STIM2: variants seen among roughly 807,000 people sequenced by gnomAD.
STIM2 encodes the protein stromal interaction molecule 2.
In STIM2, 31 loss-of-function variants were observed where a neutral mutation model predicts 85.8. The ratio of observed to expected loss-of-function variants is 0.36; its 90% CI spans 0.27 to 0.49. STIM2 has a LOEUF of 0.49. STIM2 is among the 20% of genes least tolerant of loss of function. STIM2 has a pLI of 0.98. For missense variants in STIM2, 841 were observed against 927.6 expected, an observed-to-expected ratio of 0.91 and a Z score of 1.21; for synonymous variants, 356 against 331.1, an observed-to-expected ratio of 1.08 and a Z score of -0.82.
chr4:26,985,237 T>G (rs187880838), intron 3 of STIM2, among the ~76,000 whole-genome samples: 27 of 152,376 alleles, frequency 1.8e-4, no homozygotes, highest in Admixed American at 1.6e-3. Flanking sequence ...ACTCAACTTT[T>G]AGATTTGAAA....
At chr4:26,866,111 G>T (rs539197332) in intron 1 of STIM2, among the ~76,000 whole-genome samples, 1 of 151,912 alleles carries the variant, frequency 6.6e-6, no homozygotes, top group African/African-American at 2.4e-5. Context: ...AGTTACCAAC[G>T]ATCTTGTCAC....
rs756324326 is a variant in STIM2 at position 27,008,892 on chromosome 4, C to G, written c.1379C>G (p.Ser460Cys). The change falls in exon 10 of 12, where the codon TCT becomes TGT. Residue 460 changes from serine to cysteine, a missense_variant. By Grantham distance (112) the Ser-to-Cys change is moderately radical. Coordinates refer to ENST00000467087, the MANE Select transcript of STIM2 (RefSeq NM_020860.4). Reference sequence around the variant, plus strand: ...CCCAGCCTGACCTCTTCCCTTTATTCTGATCACAGCTGGGTGGTGATGCCC... The same window carrying G: ...CCCAGCCTGACCTCTTCCCTTTATTGTGATCACAGCTGGGTGGTGATGCCC... 6.2e-7 allele frequency: 1 copy of G among 1,614,180 alleles called. No homozygotes were observed. Among genetic ancestry groups the G allele is most frequent in the South Asian group, 1.1e-5 (1 of 91,084 alleles).
intron 1 of STIM2, among the ~76,000 whole-genome samples, chr4:26,890,643 T>C (rs1723433283): frequency 6.6e-6 from 1 of 151,524 alleles, no homozygotes; most frequent in African/African-American, 2.4e-5. Context: ...GCTAAAACGT[T>C]GAAACCCCGT....
intron 1 of STIM2, among the ~76,000 whole-genome samples, chr4:26,885,201 C>T (rs1723170451): frequency 6.6e-6 from 1 of 152,024 alleles, no homozygotes; most frequent in Admixed American, 6.6e-5. Flanking sequence ...TCTAGTTTTC[C>T]AAAAGCTTTT....
chr4:27,001,484 C>T (rs1728153103), intron 5 of STIM2, among the ~76,000 whole-genome samples: 1 of 152,158 alleles, frequency 6.6e-6, no homozygotes, highest in Admixed American at 6.5e-5. Flanking sequence ...CTATTTAACC[C>T]AGGCTTTATC....
intron 1 of STIM2, among the ~76,000 whole-genome samples, chr4:26,917,636 C>G (rs1054091239): frequency 6.6e-6 from 1 of 152,070 alleles, no homozygotes; most frequent in Non-Finnish European, 1.5e-5. Context: ...CCTAATTTCT[C>G]TTAAAGCTTC....
chr4:26,956,916 A>G (rs781696847), intron 2 of STIM2, among the ~76,000 whole-genome samples: 3 of 152,024 alleles, frequency 2.0e-5, no homozygotes, highest in Admixed American at 6.6e-5. Context: ...TTTCTCATCT[A>G]TTGAATGAAG....
At position 26,919,536 on chromosome 4, in the gene STIM2, A is replaced by T. The variant is rs1724721266; in HGVS notation, c.184A>T (p.Thr62Ser). The change falls in exon 2 of 12, where the codon ACA (threonine) becomes TCA (serine). Residue 62 changes from threonine to serine, a missense_variant. Transcript: ENST00000467087. ...CATGTCACTGAGTCCACCATGCTTTACAGAAGAAGACAGATTTAGTCTGGA... is the reference window on the plus strand; with the variant it reads ...CATGTCACTGAGTCCACCATGCTTTTCAGAAGAAGACAGATTTAGTCTGGA... 1.9e-6 allele frequency: 3 copies of T among 1,613,542 alleles called. No individual in the cohort carries two copies. The highest frequency in any genetic ancestry group is 1.3e-5 in the African/African-American group (1 of 74,904).
intron 3 of STIM2, among the ~76,000 whole-genome samples, chr4:26,978,877 G>T (rs1727288249): frequency 6.6e-6 from 1 of 152,160 alleles, no homozygotes; most frequent in Non-Finnish European, 1.5e-5. Flanking sequence ...TGGGTGGGTG[G>T]TGTCTGGCAG....
chr4:26,881,917 T>C (rs1181955011), intron 1 of STIM2, among the ~76,000 whole-genome samples: 1 of 152,204 alleles, frequency 6.6e-6, no homozygotes, highest in Non-Finnish European at 1.5e-5. Flanking sequence ...AGCATACTAT[T>C]AAGTTAAAAG....
chr4:26,918,296 G>C (rs544079117), intron 1 of STIM2, among the ~76,000 whole-genome samples: 2 of 145,308 alleles, frequency 1.4e-5, no homozygotes, highest in South Asian at 4.3e-4. Context: ...TCTTCTCCCA[G>C]CTTTTTTTCT....
intron 7 of STIM2, among the ~76,000 whole-genome samples, chr4:27,007,255 T>A (rs1037588661): frequency 6.6e-6 from 1 of 151,842 alleles, no homozygotes; most frequent in Non-Finnish European, 1.5e-5. Context: ...AAATAAGCCC[T>A]CTCTACCCTC....
chr4:26,943,214 A>C (rs1725684643), intron 2 of STIM2, among the ~76,000 whole-genome samples: 1 of 152,126 alleles, frequency 6.6e-6, no homozygotes, highest in South Asian at 2.1e-4. Context: ...TACTCTTTAA[A>C]GAAACATTTT....
intron 3 of STIM2, among the ~76,000 whole-genome samples, chr4:26,988,083 G>A (rs148722808): frequency 0.017 from 2,567 of 152,308 alleles, 35 homozygotes; most frequent in Non-Finnish European, 0.027. Flanking sequence ...GGGGTTAAAT[G>A]AGAATGTATG....
chr4:26,874,086 G>T, intron 1 of STIM2: 1 of 606,190 alleles, frequency 1.6e-6, no homozygotes, highest in South Asian at 1.5e-5. Context: ...ACTCTTAGCT[G>T]AGCGAGCTGC....
At chr4:26,899,950 T>C (rs1723856480) in intron 1 of STIM2, among the ~76,000 whole-genome samples, 1 of 152,218 alleles carries the variant, frequency 6.6e-6, no homozygotes, top group Non-Finnish European at 1.5e-5. Flanking sequence ...GTGTCTCTTA[T>C]TTTCTGGGCC....
chr4:27,022,909 C>T lies in STIM2; in HGVS notation c.2154C>T (p.Ser718=), dbSNP rs1728961009. ...AAGCCCCAAGTGTTGCCAGAATAAGCAGCATCCCACATGACCTTTGTCATA... is the reference window on the plus strand; with the variant it reads ...AAGCCCCAAGTGTTGCCAGAATAAGTAGCATCCCACATGACCTTTGTCATA... Residue 718 remains serine, a synonymous_variant, in exon 12 of 12, where the codon AGC becomes AGT. Transcript: ENST00000467087. The T allele has an allele frequency of 1.9e-6, 3 of 1,614,060 alleles. No homozygotes were observed. Among genetic ancestry groups the T allele is most frequent in the Admixed American group, 1.7e-5 (1 of 59,996 alleles).
chr4:26,899,159 A>G (rs916258936), intron 1 of STIM2, among the ~76,000 whole-genome samples: 5 of 151,954 alleles, frequency 3.3e-5, no homozygotes, highest in African/African-American at 1.2e-4. Flanking sequence ...GTTTAATTTT[A>G]TGGGCTACTG....
chr4:26,934,246 TTAAATG>T (rs759785454), intron 2 of STIM2, among the ~76,000 whole-genome samples: 91 of 152,224 alleles, frequency 6.0e-4, no homozygotes, highest in South Asian at 1.5e-3. Flanking sequence ...TGAGATAAAA[TTAAATG>T]TAAATGTAAA....
Sources: allele counts gnomAD v4.1 joint callset (sites outside exome capture counted in the v4.1 genomes callset), GRCh38; gene constraint gnomAD v4.1.1; transcripts MANE v1.5; gene names NCBI Gene and HGNC (gene_info 2026-07-23, HGNC 2026-07-21).